PRRC2C: variants seen among roughly 807,000 people sequenced by gnomAD.
PRRC2C encodes the protein protein PRRC2C.
Under a neutral mutation model 317.2 loss-of-function variants are expected in PRRC2C, and 72 were observed. The ratio of observed to expected loss-of-function variants is 0.23; its 90% confidence interval spans 0.19 to 0.28. The LOEUF (loss-of-function observed/expected upper bound fraction) is 0.28. Ranked by LOEUF, PRRC2C falls within the 10% of genes least tolerant of loss-of-function variation. The pLI is 1.00. For synonymous variants in PRRC2C, 1,296 were observed against 1,205.9 expected (o/e 1.07, Z -1.55); for missense variants, 3,074 against 3,459.7 (o/e 0.89, Z 2.80).
intron 15 of PRRC2C, among the ~76,000 whole-genome samples, chr1:171,539,400 G>A (rs1052891761): frequency 5.3e-5 from 8 of 152,196 alleles, no homozygotes; most frequent in Non-Finnish European, 7.3e-5. Flanking sequence ...TTAACTGTAA[G>A]CAGTGTTATA....
At chr1:171,570,469 G>A (rs956399088) in intron 23 of PRRC2C, among the ~76,000 whole-genome samples, 4 of 152,090 alleles carry the variant, frequency 2.6e-5, no homozygotes, top group African/African-American at 9.7e-5. Flanking sequence ...TCATAGCACA[G>A]CTGCTTTCAA....
At chr1:171,577,771 A>ATTTTTTTTTTTTTT (rs1553245738) in intron 26 of PRRC2C, 134 bp downstream of exon 26, 1 of 257,500 alleles carries the variant, frequency 3.9e-6, no homozygotes, top group Non-Finnish European at 6.1e-6. Flanking sequence ...TTAAATTCGC[A>ATTTTTTTTTTTTTT]TTTTTTTTTT....
chr1:171,586,820 T>C (rs1188265433), intron 30 of PRRC2C, among the ~76,000 whole-genome samples, 183 bp from the exon 31 acceptor site: 1 of 151,404 alleles, frequency 6.6e-6, no homozygotes, highest in Non-Finnish European at 1.5e-5. Flanking sequence ...TCTCTTGACC[T>C]CGTGATCTGC....
At chr1:171,546,483 C>T (rs746291847) in intron 17 of PRRC2C, among the ~76,000 whole-genome samples, 3 of 152,202 alleles carry the variant, frequency 2.0e-5, no homozygotes, top group Non-Finnish European at 4.4e-5. Context: ...ACATATTAAG[C>T]TCTGATTTGA....
intron 2 of PRRC2C, 190 bp downstream of exon 2, chr1:171,512,390 C>G (rs1004121703): frequency 8.1e-6 from 4 of 491,028 alleles, no homozygotes; most frequent in African/African-American, 7.9e-5. Flanking sequence ...TTTATACTTT[C>G]ATAGAGCCCT....
chr1:171,539,873 A>C (rs761198848), intron 15 of PRRC2C, 98 bp from the exon 16 acceptor site: 1 of 1,015,362 alleles, frequency 9.8e-7, no homozygotes, highest in Non-Finnish European at 1.5e-6. Context: ...TATGGTTAAG[A>C]GTCATTGCTT....
chr1:171,516,984 T>C (rs1008657157), intron 5 of PRRC2C, among the ~76,000 whole-genome samples: 8 of 152,346 alleles, frequency 5.3e-5, no homozygotes, highest in African/African-American at 1.7e-4. Flanking sequence ...CCAACCCTGC[T>C]ATATTGTGAG....
chr1:171,491,974 T>C (rs1667240455), intron 1 of PRRC2C, among the ~76,000 whole-genome samples: 1 of 152,170 alleles, frequency 6.6e-6, no homozygotes, highest in South Asian at 2.1e-4. Flanking sequence ...AGAAGCACAA[T>C]AGGGAAGGTA....
intron 3 of PRRC2C, chr1:171,513,533 T>C: frequency 2.2e-6 from 1 of 446,654 alleles, no homozygotes; most frequent in South Asian, 1.6e-5. Flanking sequence ...GCCAATTTAC[T>C]GTGTATCTCC....
At chr1:171,548,720 A>C (rs932870548) in intron 17 of PRRC2C, among the ~76,000 whole-genome samples, 1 of 152,214 alleles carries the variant, frequency 6.6e-6, no homozygotes. Context: ...AAGATAGCCA[A>C]AATAATTGGT....
At chr1:171,562,017 G>A (rs1041088787) in intron 20 of PRRC2C, among the ~76,000 whole-genome samples, 20 of 152,200 alleles carry the variant, frequency 1.3e-4, no homozygotes, top group Middle Eastern at 3.4e-3. Context: ...AAAAAACATC[G>A]TGATCAGCAC....
At chr1:171,562,711 T>A (rs1682931682) in intron 20 of PRRC2C, among the ~76,000 whole-genome samples, 1 of 152,178 alleles carries the variant, frequency 6.6e-6, no homozygotes, top group African/African-American at 2.4e-5. Flanking sequence ...CATGTTAGAT[T>A]TAAGATGCTT....
intron 1 of PRRC2C, among the ~76,000 whole-genome samples, chr1:171,499,857 G>C (rs1668769837): frequency 1.3e-5 from 2 of 152,066 alleles, no homozygotes; most frequent in South Asian, 4.1e-4. Flanking sequence ...AAAGTAACGA[G>C]GCTGAAAGCT....
In PRRC2C at chr1:171,541,452, A is replaced by G. The variant is rs1204473558; in HGVS notation, c.3986A>G (p.Asp1329Gly). ...LLEKPYVRDD[D>G]KAKPGFLPKG... ...GAAAAGCCTTATGTAAGGGATGACG[A>G]TAAAGCTAAACCAGGCTTTCTTCCT... Residue 1329 changes from aspartate (D) to glycine (G), a missense_variant, in exon 16 of 35, where the codon GAT becomes GGT. Asp to Gly is a moderately conservative substitution (Grantham distance 94). Around this residue, in one of 11 missense-constraint regions of PRRC2C, gnomAD observed 1,320 missense variants for 1,395.7 expected, o/e 0.95. Transcript: ENST00000647382. This position sits in a 1 kb window ranked among gnomAD's most constrained non-coding sequence, Gnocchi z 4.1. 1 of 1,613,802 alleles carries G rather than the reference A, an allele frequency of 6.2e-7. No individual in the cohort carries two copies. The highest frequency in any genetic ancestry group is 2.2e-5 in the East Asian group (1 of 44,886).
Position 171,530,267 on chromosome 1 carries a change from T to G in PRRC2C, c.1255-2076T>G, listed in dbSNP as rs72717830. The stretch of plus-strand genomic sequence containing the variant: ...GCTTTTTTTTTTTTTTTTTTTTTTT[T>G]GCGCAACAGAGTCTTGCTCTGTTGC... On this transcript the variant is annotated intron_variant, in intron 11 of 34. Coordinates refer to ENST00000647382, the MANE Select transcript of PRRC2C (RefSeq NM_001387844.1). Among the ~76,000 whole-genome samples, 698 of 121,550 alleles carry G rather than the reference T, an allele frequency of 5.7e-3. 1 individual carries two copies. Among genetic ancestry groups the G allele is most frequent in the Admixed American group, 0.021 (232 of 11,296 alleles). 79.7% of individuals were successfully genotyped at this position (121,550 alleles called of 152,430 possible).
intron 6 of PRRC2C, among the ~76,000 whole-genome samples, chr1:171,518,209 TAAAG>T (rs1449269860): frequency 2.0e-5 from 3 of 152,238 alleles, no homozygotes; most frequent in African/African-American, 2.4e-5. Flanking sequence ...AATGATCTAA[TAAAG>T]AAGCACGTAC....
At chr1:171,575,962 T>A (rs941824628) in intron 25 of PRRC2C, among the ~76,000 whole-genome samples, 4 of 152,232 alleles carry the variant, frequency 2.6e-5, no homozygotes, top group Non-Finnish European at 5.9e-5. Flanking sequence ...GTGCTATTTT[T>A]AGGTACCAAA....
chr1:171,541,390 G>C lies in PRRC2C; in HGVS notation c.3924G>C (p.Lys1308Asn). ...CTGTAAAGCCTCATTCTTCTTTCAA[G>C]CCTGATAATCATGTTCGAATAGATA... ...KKPVKPHSSF[K>N]PDNHVRIDNR... is the part of the protein sequence containing the mutation. The change falls in exon 16 of 35, where the codon AAG becomes AAC. Residue 1308 changes from lysine to asparagine, a missense_variant. Transcript: ENST00000647382. This position sits in a 1 kb window ranked among gnomAD's most constrained non-coding sequence, Gnocchi z 4.1. 1.2e-6 allele frequency: 2 copies of C among 1,613,278 alleles called. No individual in the cohort carries two copies. Among genetic ancestry groups the C allele is most frequent in the Non-Finnish European group, 1.7e-6 (2 of 1,179,718 alleles).
Position 171,566,814 on chromosome 1 carries a change from T to C in PRRC2C, c.6529T>C (p.Ser2177Pro), listed in dbSNP as rs372309802. Reference sequence around the variant, plus strand: ...TGAAATAGGAACAATGATCTCGGTATCATCTGCAGAATATGGTACTAATGC... The same window carrying C: ...TGAAATAGGAACAATGATCTCGGTACCATCTGCAGAATATGGTACTAATGC... Reference protein sequence around the residue: ...STEIGTMISVSSAEYGTNAKE... With the variant: ...STEIGTMISVPSAEYGTNAKE... The change falls in exon 22 of 35, where the codon TCA (serine) becomes CCA (proline). Residue 2177 changes from serine to proline, a missense_variant. Ser to Pro is a moderately conservative substitution (Grantham distance 74). Transcript: ENST00000647382. 151 of 1,613,622 alleles carry C rather than the reference T, an allele frequency of 9.4e-5. No homozygotes were observed. Among genetic ancestry groups the C allele is most frequent in the Non-Finnish European group, 1.3e-4 (148 of 1,179,820 alleles).
Sources: allele counts gnomAD v4.1 joint callset (sites outside exome capture counted in the v4.1 genomes callset), GRCh38; gene constraint gnomAD v4.1.1; regional missense constraint gnomAD v4.1.1; non-coding constraint Gnocchi (gnomAD v3.1); transcripts MANE v1.5; gene names NCBI Gene and HGNC (gene_info 2026-07-23, HGNC 2026-07-21).